The following WASHC4 variants were observed in gnomAD, a reference collection of about 807,000 sequenced individuals.
The protein encoded by WASHC4 is WASH complex subunit 7.
WASHC4 carries 86 observed loss-of-function variants against 166.6 expected under a neutral mutation model. The ratio of observed to expected loss-of-function variants is 0.52; its 90% CI spans 0.43 to 0.62. The LOEUF is 0.62. Ranked by LOEUF, WASHC4 falls within the 20% of genes least tolerant of loss-of-function variation. WASHC4 has a pLI of 0.00. For synonymous variants in WASHC4, 446 were observed against 451.6 expected (o/e 0.99, Z 0.16); for missense variants, 1,262 against 1,382.4 (o/e 0.91, Z 1.38).
intron 6 of WASHC4, 142 bp from the exon 7 acceptor site, chr12:105,118,304 T>A (rs1880385055): frequency 2.8e-6 from 2 of 710,946 alleles, no homozygotes; most frequent in Middle Eastern, 3.1e-4. Context: ...GAGGGATGCT[T>A]GAACTTGTCT....
At chr12:105,158,300 T>C (rs141757123) in intron 28 of WASHC4, among the ~76,000 whole-genome samples, 220 of 152,302 alleles carry the variant, frequency 1.4e-3, no homozygotes, top group African/African-American at 5.1e-3. Flanking sequence ...ATAAAATTGC[T>C]TATTAATTAC....
chr12:105,128,403 G>A (rs1191815031), intron 13 of WASHC4, among the ~76,000 whole-genome samples: 4 of 152,210 alleles, frequency 2.6e-5, no homozygotes, highest in Admixed American at 6.5e-5. Flanking sequence ...GGGGAAAAAT[G>A]TGTGTATTTT....
Position 105,122,125 on chromosome 12 carries a change from A to C in WASHC4, c.673A>C (p.Lys225Gln). The C allele has an allele frequency of 1.3e-6, 2 of 1,596,996 alleles. No homozygotes were observed. The highest frequency in any genetic ancestry group is 8.6e-7 in the Non-Finnish European group (1 of 1,165,346). ...CTCTTAATTTTCCTCAAGGTTACTG[A>C]AATCTGTCCATCACAATCCTTCAAA... ...DHWTMYKRLL[K>Q]SVHHNPSKFG... The change falls in exon 10 of 33, where the codon AAA (lysine) becomes CAA (glutamine). Residue 225 changes from lysine to glutamine, a missense_variant. Lys to Gln is a moderately conservative substitution (Grantham distance 53). Transcript: ENST00000332180.
Position 105,140,916 on chromosome 12 carries a change from C to T in WASHC4, c.1578C>T (p.Asp526=). ...ISVAKKRVIS[D]KKYSEQRLDV... ...TTTTTAAGAAAAGAGTGATTTCTGA[C>T]AAAAAATACAGCGAACAGCGTCTTG... is the stretch of plus-strand genomic sequence containing the variant. Residue 526 remains aspartate, a synonymous_variant, in exon 17 of 33, where the codon GAC becomes GAT. Transcript: ENST00000332180. The T allele has an allele frequency of 6.2e-7, 1 of 1,613,990 alleles. No individual in the cohort carries two copies. The highest frequency in any genetic ancestry group is 8.5e-7 in the Non-Finnish European group (1 of 1,179,974).
intron 24 of WASHC4, 153 bp downstream of exon 24, chr12:105,147,299 G>T: frequency 1.5e-6 from 1 of 645,928 alleles, no homozygotes; most frequent in Non-Finnish European, 2.8e-6. Context: ...TAAAATGTCT[G>T]GTCCTAAAAT....
chr12:105,160,297 A>G, intron 29 of WASHC4, 149 bp downstream of exon 29: 2 of 722,572 alleles, frequency 2.8e-6, no homozygotes, highest in Non-Finnish European at 4.6e-6. Context: ...AGTGAATGTG[A>G]CATAGAATTT....
intron 28 of WASHC4, among the ~76,000 whole-genome samples, chr12:105,159,576 T>A (rs1884367517): frequency 6.6e-6 from 1 of 152,032 alleles, no homozygotes; most frequent in Admixed American, 6.6e-5. Flanking sequence ...ACATGAGGGA[T>A]GCAGGAGAAA....
chr12:105,162,653 G>A (rs1884569388), intron 29 of WASHC4, 96 bp from the exon 30 acceptor site: 1 of 708,822 alleles, frequency 1.4e-6, no homozygotes, highest in Non-Finnish European at 2.5e-6. Context: ...TCTATTTATA[G>A]TGATTCTATT....
At chr12:105,115,138 A>C in intron 4 of WASHC4, 46 bp from the exon 5 acceptor site, 1 of 1,056,666 alleles carries the variant, frequency 9.5e-7, no homozygotes, top group Non-Finnish European at 1.5e-6. Flanking sequence ...GGAATTTGGA[A>C]ACAAAACAAC....
At position 105,168,958 on chromosome 12, in the gene WASHC4, TTAA is replaced by T. The variant is rs1471712124; in HGVS notation, c.*2032_*2034del. 1 of 152,592 alleles carries T rather than the reference TTAA, an allele frequency of 6.6e-6. No homozygotes were observed. The highest frequency in any genetic ancestry group is 2.4e-5 in the African/African-American group (1 of 41,442). 9.5% of individuals were successfully genotyped at this position (152,592 alleles called of 1,614,324 possible). On this transcript the variant is annotated 3_prime_UTR_variant, in exon 33 of 33. Coordinates refer to ENST00000332180, the MANE Select transcript of WASHC4 (RefSeq NM_015275.3). ...CGTTTGTTTTAAGTTCACAGAAAACTTAATAATTCAAATTCTCAGGAATTAAGG... is the reference window on the plus strand; with the variant it reads ...CGTTTGTTTTAAGTTCACAGAAAACTTAATTCAAATTCTCAGGAATTAAGG...
intron 26 of WASHC4, 45 bp downstream of exon 26, chr12:105,152,496 C>A: frequency 1.0e-6 from 1 of 998,802 alleles, no homozygotes; most frequent in Non-Finnish European, 1.6e-6. Flanking sequence ...CAGATCCCTA[C>A]AGTCTATCTC....
Position 105,140,901 on chromosome 12 carries a change from A to G in WASHC4, c.1563A>G (p.Lys521=). The G allele has an allele frequency of 6.2e-7, 1 of 1,613,814 alleles. No individual in the cohort carries two copies. Among genetic ancestry groups the G allele is most frequent in the Non-Finnish European group, 8.5e-7 (1 of 1,179,954 alleles). Residue 521 remains lysine (K), a splice_region_variant and synonymous_variant, in exon 17 of 33, where the codon AAA becomes AAG. Coordinates refer to ENST00000332180, the MANE Select transcript of WASHC4 (RefSeq NM_015275.3). ...AGTTTTCCTGTTTTATTTTTAAGAA[A>G]AGAGTGATTTCTGACAAAAAATACA... ...QALHSISVAK[K]RVISDKKYSE... is the part of the protein sequence containing the mutation.
intron 23 of WASHC4, 126 bp downstream of exon 23, chr12:105,146,652 T>G: frequency 3.0e-6 from 2 of 663,124 alleles, no homozygotes; most frequent in South Asian, 3.5e-5. Flanking sequence ...TTCGAGGCCT[T>G]GTTTATTTTT....
At position 105,143,226 on chromosome 12, in the gene WASHC4, A is replaced by G. The variant is rs1883014813; in HGVS notation, c.1993A>G (p.Met665Val). 1 of 1,576,592 alleles carries G rather than the reference A, an allele frequency of 6.3e-7. No homozygotes were observed. The highest frequency in any genetic ancestry group is 1.1e-5 in the South Asian group (1 of 90,190). Residue 665 changes from methionine to valine, a missense_variant, in exon 20 of 33, where the codon ATG (methionine) becomes GTG (valine). Met to Val is a conservative substitution (Grantham distance 21). Coordinates refer to ENST00000332180, the MANE Select transcript of WASHC4 (RefSeq NM_015275.3). ...TCTGGATTGCTATGACAAGGAAATT[A>G]TGGAAATTTTAAATGAGGTAACATC... ...ILLDCYDKEIMEILNEHLLDK... is the reference protein window; with the variant it reads ...ILLDCYDKEIVEILNEHLLDK...
At chr12:105,134,500 T>C (rs1314288553) in intron 14 of WASHC4, among the ~76,000 whole-genome samples, 2 of 152,104 alleles carry the variant, frequency 1.3e-5, no homozygotes, top group Non-Finnish European at 2.9e-5. Flanking sequence ...AGTTTTTGTT[T>C]TGTGTATTTT....
rs1879978871 is a variant in WASHC4 at position 105,114,433 on chromosome 12, T to C, written c.321+6T>C. ...TCAAGAAATTAAAATATGAGGTAAT[T>C]ATTTGAATTCTTGTCTTAAAACTTT... is the stretch of plus-strand genomic sequence containing the variant. On this transcript the variant is annotated splice_donor_region_variant and intron_variant, in intron 4 of 32. Coordinates refer to ENST00000332180, the MANE Select transcript of WASHC4 (RefSeq NM_015275.3). 3.2e-6 allele frequency: 5 copies of C among 1,552,830 alleles called. No homozygotes were observed. Among genetic ancestry groups the C allele is most frequent in the Non-Finnish European group, 4.4e-6 (5 of 1,135,738 alleles).
At chr12:105,138,085 A>G (rs11112383) in intron 15 of WASHC4, 74 bp downstream of exon 15, 78,830 of 1,444,264 alleles carry the variant, frequency 0.055, 3,605 homozygotes, top group East Asian at 0.23. Flanking sequence ...TAATCTTGTA[A>G]GGTTTGACTA....
rs966310736 is a variant in WASHC4, at chr12:105,167,762, T to C, written c.*831T>C. The C allele has an allele frequency of 6.6e-6, 1 of 152,522 alleles. No individual in the cohort carries two copies. Among genetic ancestry groups the C allele is most frequent in the South Asian group, 2.1e-4 (1 of 4,832 alleles). The allele number at this position is 152,522 out of a possible 1,614,324, so 9.4% of individuals were successfully genotyped here. ...CAGGTTTCTTCTACATTAGATTGAA[T>C]TGAAATTTTGGTGATGGTTTGGGTA... is the stretch of plus-strand genomic sequence containing the variant. On this transcript the variant is annotated 3_prime_UTR_variant, in exon 33 of 33. Coordinates refer to ENST00000332180, the MANE Select transcript of WASHC4 (RefSeq NM_015275.3).
intron 7 of WASHC4, among the ~76,000 whole-genome samples, chr12:105,119,930 T>A (rs529950303): frequency 5.3e-5 from 8 of 152,286 alleles, no homozygotes; most frequent in Admixed American, 4.6e-4. Context: ...GAGGACTGAT[T>A]CCTAAAGACC....
Sources: allele counts gnomAD v4.1 joint callset (sites outside exome capture counted in the v4.1 genomes callset), GRCh38; gene constraint gnomAD v4.1.1; transcripts MANE v1.5; gene names NCBI Gene and HGNC (gene_info 2026-07-23, HGNC 2026-07-21).